STAT1: variants seen among roughly 807,000 people sequenced by gnomAD.
The protein encoded by STAT1 is signal transducer and activator of transcription 1-alpha/beta.
Under a neutral mutation model 111.7 loss-of-function variants are expected in STAT1, and 24 were observed. The ratio of observed to expected loss-of-function variants is 0.21; its 90% confidence interval spans 0.16 to 0.30. The LOEUF (loss-of-function observed/expected upper bound fraction) is 0.30, where lower values mean the gene tolerates loss of function less well. Among genes scored for constraint, STAT1 ranks in the 10% least tolerant of loss-of-function variants. STAT1 has a pLI of 1.00. For synonymous variants in STAT1, 332 were observed against 326.5 expected (o/e 1.02, Z -0.18); for missense variants, 351 against 911.9 (o/e 0.38, Z 7.92).
chr2:190,978,925 G>A lies in STAT1; in HGVS notation c.1804C>T (p.Arg602Trp), dbSNP rs1209841496. ...CCTTCCCGGGAGCTCTCACTGAACC[G>A]CAGCAGGAAGGTCCCCGGCTGCTGG... Reference protein sequence around the residue: ...KDQQPGTFLLRFSESSREGAI... With the variant: ...KDQQPGTFLLWFSESSREGAI... Residue 602 changes from arginine (R) to tryptophan (W), a missense_variant, in exon 21 of 25, where the codon CGG (arginine) becomes TGG (tryptophan). By Grantham distance (101) the Arg-to-Trp change is moderately radical (BLOSUM62 -3). Transcript: ENST00000361099. The surrounding 1 kb of genome is among the most constrained non-coding windows in gnomAD (Gnocchi z 6.1). 1 of 1,614,114 alleles carries A rather than the reference G, an allele frequency of 6.2e-7. No individual in the cohort carries two copies. Among genetic ancestry groups the A allele is most frequent in the Non-Finnish European group, 8.5e-7 (1 of 1,180,000 alleles).
Position 191,004,926 on chromosome 2 carries a change from T to C in STAT1, c.372+2637A>G, listed in dbSNP as rs1179655400. On this transcript the variant is annotated intron_variant, in intron 5 of 24. Transcript: ENST00000361099. This position sits in a 1 kb window ranked among gnomAD's most constrained non-coding sequence, Gnocchi z 5.0. ...CTAAATTTTTGTCTAGACATGCAAC[T>C]AGCTTTTTCACCACAAAGAAAAAAA... is the stretch of plus-strand genomic sequence containing the variant. Among the ~76,000 whole-genome samples the C allele has an allele frequency of 1.3e-5, 2 of 152,048 alleles. No homozygotes were observed. Among genetic ancestry groups the C allele is most frequent in the African/African-American group, 4.8e-5 (2 of 41,392 alleles).
intron 4 of STAT1, 149 bp downstream of exon 4, chr2:191,008,814 C>G (rs913060874): frequency 1.4e-5 from 11 of 809,924 alleles, no homozygotes; most frequent in Non-Finnish European, 1.9e-5. Context: ...GCTATATTTA[C>G]TGATGCTGTA....
At position 190,978,088 on chromosome 2, in the gene STAT1, A is replaced by G. The variant is rs1408511771; in HGVS notation, c.1873+768T>C. On this transcript the variant is annotated intron_variant, in intron 21 of 24. Coordinates refer to ENST00000361099, the MANE Select transcript of STAT1 (RefSeq NM_007315.4). This position sits in a 1 kb window ranked among gnomAD's most constrained non-coding sequence, Gnocchi z 6.1. ...ATTCCAGAAAAACAGGAGAAGAGGA[A>G]TATTTCAGAAAAATAAATAGAACAA... Among the ~76,000 whole-genome samples the G allele has an allele frequency of 6.6e-6, 1 of 152,178 alleles. No individual in the cohort carries two copies. Among genetic ancestry groups the G allele is most frequent in the Non-Finnish European group, 1.5e-5 (1 of 68,024 alleles).
At position 190,994,927 on chromosome 2, in the gene STAT1, A is replaced by ATATAT. The variant is rs1553496759; in HGVS notation, c.944+133_944+134insATATA. ...GAGACTCTATCTCAAAAAAAAAAAA[A>ATATAT]ATATATATATATATATATATATATA... On this transcript the variant is annotated intron_variant, in intron 10 of 24. Coordinates refer to ENST00000361099, the MANE Select transcript of STAT1 (RefSeq NM_007315.4). The ATATAT allele has an allele frequency of 2.0e-4, 27 of 135,100 alleles. No homozygotes were observed. In the East Asian group the frequency reaches 2.3e-3, roughly 12 times the overall value. The allele number at this position is 135,100 out of a possible 1,614,324, so 8.4% of individuals were successfully genotyped here.
In STAT1 at chr2:191,013,638, C is replaced by CT. The variant is rs1695309477; in HGVS notation, c.-116dup. On this transcript the variant is annotated 5_prime_UTR_variant, in exon 2 of 25. It removes the in-frame stop codon of an upstream open reading frame in the 5' UTR. Coordinates refer to ENST00000361099, the MANE Select transcript of STAT1 (RefSeq NM_007315.4). ...ATATACACAGAGTGCGAACGTTAACCTAGACAGCTCTCGAGGATGGCATAC... is the reference window on the plus strand; with the variant it reads ...ATATACACAGAGTGCGAACGTTAACCTTAGACAGCTCTCGAGGATGGCATAC... 1 of 398,520 alleles carries CT rather than the reference C, an allele frequency of 2.5e-6. No individual in the cohort carries two copies. The highest frequency in any genetic ancestry group is 2.1e-5 in the African/African-American group (1 of 48,608). 24.7% of individuals were successfully genotyped at this position (398,520 alleles called of 1,614,324 possible). A position where few individuals can be genotyped will look rare whatever the true frequency, so the allele number is the denominator to read the frequency against.
chr2:191,001,249 G>A, intron 5 of STAT1, 86 bp from the exon 6 acceptor site: 1 of 1,018,976 alleles, frequency 9.8e-7, no homozygotes, highest in Non-Finnish European at 1.6e-6. Context: ...GTCCCCACTT[G>A]CCTTCCAGAT....
Position 191,004,727 on chromosome 2 carries a change from T to A in STAT1, c.372+2836A>T, listed in dbSNP as rs905959201. On this transcript the variant is annotated intron_variant, in intron 5 of 24. Coordinates refer to ENST00000361099, the MANE Select transcript of STAT1 (RefSeq NM_007315.4). The surrounding 1 kb of genome is among the most constrained non-coding windows in gnomAD (Gnocchi z 5.0). ...TTCGAAAGTATTTACTCAAATGAAA[T>A]AATGTTTATAAAGTGCTTAGCACAG... is the stretch of plus-strand genomic sequence containing the variant. Among the ~76,000 whole-genome samples, 1 of 152,210 alleles carries A rather than the reference T, an allele frequency of 6.6e-6. No individual in the cohort carries two copies. The highest frequency in any genetic ancestry group is 1.5e-5 in the Non-Finnish European group (1 of 68,044).
chr2:191,013,147 C>A (rs1172927681), intron 2 of STAT1, among the ~76,000 whole-genome samples: 2 of 152,130 alleles, frequency 1.3e-5, no homozygotes, highest in Admixed American at 6.5e-5. Flanking sequence ...ATATTTCAGA[C>A]GGAATTAGAA....
intron 5 of STAT1, among the ~76,000 whole-genome samples, chr2:191,002,053 T>C (rs954058434): frequency 6.6e-6 from 1 of 152,236 alleles, no homozygotes; most frequent in Non-Finnish European, 1.5e-5. Flanking sequence ...CTTTTCTTCA[T>C]GTCTGGAATT....
Position 191,013,611 on chromosome 2 carries a change from T to C in STAT1, c.-88A>G. On this transcript the variant is annotated 5_prime_UTR_variant, in exon 2 of 25. Transcript: ENST00000361099. ...ACGTTAGGTGCCAAGACTGTCGAGG[T>C]TATATACACAGAGTGCGAACGTTAA... 5.0e-6 allele frequency: 2 copies of C among 398,386 alleles called. No individual in the cohort carries two copies. Among genetic ancestry groups the C allele is most frequent in the Admixed American group, 4.4e-5 (1 of 22,710 alleles). The allele number at this position is 398,386 out of a possible 1,614,324, so 24.7% of individuals were successfully genotyped here.
At position 190,997,718 on chromosome 2, in the gene STAT1, TA is replaced by T; in HGVS notation, c.785+137del. On this transcript the variant is annotated intron_variant, in intron 9 of 24. Coordinates refer to ENST00000361099, the MANE Select transcript of STAT1 (RefSeq NM_007315.4). The surrounding 1 kb of genome is among the most constrained non-coding windows in gnomAD (Gnocchi z 7.3). ...GCTTTCCAAGGGAGTGTTTCCAGGG[TA>T]AGCAGAAGCTGGACTATGTCAAACT... is the stretch of plus-strand genomic sequence containing the variant. The T allele has an allele frequency of 7.5e-7, 1 of 1,326,822 alleles. No homozygotes were observed. The highest frequency in any genetic ancestry group is 1.1e-6 in the Non-Finnish European group (1 of 947,804). The allele number at this position is 1,326,822 out of a possible 1,614,324, so 82.2% of individuals were successfully genotyped here. A position where few individuals can be genotyped will look rare whatever the true frequency, so the allele number is the denominator to read the frequency against.
intron 1 of STAT1, 144 bp from the exon 2 acceptor site, chr2:191,013,822 C>A (rs1484069670): frequency 7.6e-6 from 3 of 395,146 alleles, no homozygotes; most frequent in Non-Finnish European, 1.3e-5. Flanking sequence ...CAAGGACAAT[C>A]GTGCTGAGCA....
rs1026138265 is a variant in STAT1, at chr2:190,980,146, G to A, written c.1633-280C>T. On this transcript the variant is annotated intron_variant, in intron 19 of 24. Coordinates refer to ENST00000361099, the MANE Select transcript of STAT1 (RefSeq NM_007315.4). The surrounding 1 kb of genome is among the most constrained non-coding windows in gnomAD (Gnocchi z 6.1). ...AGCTAGCCTGGGGGTGACCTCCAGC[G>A]TGACTCACGGAAACACAAGCTGCCC... is the stretch of plus-strand genomic sequence containing the variant. Among the ~76,000 whole-genome samples the A allele has an allele frequency of 5.9e-5, 9 of 152,196 alleles. No homozygotes were observed. The highest frequency in any genetic ancestry group is 1.9e-4 in the African/African-American group (8 of 41,454).
At chr2:190,991,574 G>A (rs576183294) in intron 10 of STAT1, among the ~76,000 whole-genome samples, 24 of 152,300 alleles carry the variant, frequency 1.6e-4, no homozygotes, top group African/African-American at 5.5e-4. Flanking sequence ...AACATACAAT[G>A]AAGGCTAGGC....
At position 190,987,208 on chromosome 2, in the gene STAT1, T is replaced by C; in HGVS notation, c.1098-140A>G. On this transcript the variant is annotated intron_variant, in intron 12 of 24. Transcript: ENST00000361099. This position sits in a 1 kb window ranked among gnomAD's most constrained non-coding sequence, Gnocchi z 4.0. ...AATCTACACCTATGGATTTGCAGCC[T>C]TTCATTCACTCCCTGCTTCCATCTA... 1.4e-6 allele frequency: 1 copy of C among 711,414 alleles called. No homozygotes were observed. The highest frequency in any genetic ancestry group is 2.4e-6 in the Non-Finnish European group (1 of 412,944). The allele number at this position is 711,414 out of a possible 1,614,324, so 44.1% of individuals were successfully genotyped here.
Position 190,998,020 on chromosome 2 carries a change from G to A in STAT1, c.634-13C>T, listed in dbSNP as rs200380549. On this transcript the variant is annotated splice_polypyrimidine_tract_variant and intron_variant, in intron 8 of 24. Coordinates refer to ENST00000361099, the MANE Select transcript of STAT1 (RefSeq NM_007315.4). The surrounding 1 kb of genome is among the most constrained non-coding windows in gnomAD (Gnocchi z 4.1). Reference sequence around the variant, plus strand: ...TGTGAACTACTTCCTAAAGGCAATAGAAGAAACAAAGTGAAATAAATTCAT... The same window carrying A: ...TGTGAACTACTTCCTAAAGGCAATAAAAGAAACAAAGTGAAATAAATTCAT... The A allele has an allele frequency of 3.7e-4, 604 of 1,613,820 alleles. 2 individuals carry two copies. The highest frequency in any genetic ancestry group is 9.9e-4 in the Middle Eastern group (6 of 6,062).
rs2125062232 is a variant in STAT1, at chr2:190,995,132, A to T, written c.873T>A (p.His291Gln). ...EELEQKYTYEHDPITKNKQVL... is the reference protein window; with the variant it reads ...EELEQKYTYEQDPITKNKQVL... The stretch of plus-strand genomic sequence containing the variant: ...CTTGTTTGTTTTTTGTGATAGGGTC[A>T]TGTTCGTAGGTGTATTTCTGTTCCA... Residue 291 changes from histidine to glutamine, a missense_variant, in exon 10 of 25, where the codon CAT (histidine) becomes CAA (glutamine). By Grantham distance (24) the His-to-Gln change is conservative (BLOSUM62 0). This residue lies in a region of STAT1 where 16 missense variants were observed against 23.7 expected (regional missense o/e 0.67). Coordinates refer to ENST00000361099, the MANE Select transcript of STAT1 (RefSeq NM_007315.4). The surrounding 1 kb of genome is among the most constrained non-coding windows in gnomAD (Gnocchi z 4.2). 6.2e-7 allele frequency: 1 copy of T among 1,613,902 alleles called. No homozygotes were observed. Among genetic ancestry groups the T allele is most frequent in the Non-Finnish European group, 8.5e-7 (1 of 1,179,984 alleles).
chr2:190,971,427 G>A lies in STAT1; in HGVS notation c.2239-710C>T, dbSNP rs1425053311. ...TGCATGTGCTTACTGGTATCTATTT[G>A]GTAGAAGCCAGAGGTGTTGCTGAAC... On this transcript the variant is annotated intron_variant, in intron 24 of 24. Coordinates refer to ENST00000361099, the MANE Select transcript of STAT1 (RefSeq NM_007315.4). The surrounding 1 kb of genome is among the most constrained non-coding windows in gnomAD (Gnocchi z 4.1). Among the ~76,000 whole-genome samples, 1 of 152,046 alleles carries A rather than the reference G, an allele frequency of 6.6e-6. No individual in the cohort carries two copies. The highest frequency in any genetic ancestry group is 2.4e-5 in the African/African-American group (1 of 41,394).
Position 190,983,314 on chromosome 2 carries a change from C to T in STAT1, c.1446+328G>A, listed in dbSNP as rs570768424. 1.4e-3 allele frequency among the ~76,000 whole-genome samples: 206 copies of T among 152,214 alleles called. 9 individuals carry two copies. In the South Asian group the frequency reaches 0.042, roughly 31 times the overall value. ...AAGTACTTTGAATAATTATAAATGA[C>T]TGTAATTAATTAACAGTGAGTATCC... On this transcript the variant is annotated intron_variant, in intron 17 of 24. Coordinates refer to ENST00000361099, the MANE Select transcript of STAT1 (RefSeq NM_007315.4). This position sits in a 1 kb window ranked among gnomAD's most constrained non-coding sequence, Gnocchi z 5.7.
Sources: allele counts gnomAD v4.1 joint callset (sites outside exome capture counted in the v4.1 genomes callset), GRCh38; gene constraint gnomAD v4.1.1; regional missense constraint gnomAD v4.1.1; non-coding constraint Gnocchi (gnomAD v3.1); transcripts MANE v1.5; gene names NCBI Gene and HGNC (gene_info 2026-07-23, HGNC 2026-07-21).